NKAIN4: variants seen among roughly 807,000 people sequenced by gnomAD.
NKAIN4 encodes the protein sodium/potassium transporting ATPase interacting 4.
A neutral mutation model predicts 28.8 loss-of-function variants in NKAIN4; 28 were observed. That is an observed-to-expected ratio of 0.97 (90% CI 0.72 to 1.33). The LOEUF (loss-of-function observed/expected upper bound fraction) is 1.33, where lower values mean the gene tolerates loss of function less well. Among genes scored for constraint, NKAIN4 ranks in the 40% most tolerant of loss-of-function variants. The pLI, the probability that NKAIN4 is intolerant of heterozygous loss-of-function variation, is 0.00. For missense variants in NKAIN4, 289 were observed against 277.2 expected, an observed-to-expected ratio of 1.04 and a Z score of -0.30; for synonymous variants, 122 against 115.6, an observed-to-expected ratio of 1.06 and a Z score of -0.36.
chr20:63,250,259 T>C (rs575528174), intron 1 of NKAIN4, among the ~76,000 whole-genome samples, 187 bp from the exon 2 acceptor site: 5 of 152,276 alleles, frequency 3.3e-5, no homozygotes, highest in East Asian at 3.9e-4. Flanking sequence ...GAGCAGGCAC[T>C]GAGCATCTAC....
chr20:63,250,805 A>G (rs2066944061), intron 1 of NKAIN4, among the ~76,000 whole-genome samples: 3 of 152,126 alleles, frequency 2.0e-5, no homozygotes, highest in Admixed American at 1.3e-4. Context: ...GGACTGGCGC[A>G]CTCGGCACCA....
rs772619197 is a variant in NKAIN4, at chr20:63,248,860, G to T, written c.228C>A (p.Asn76Lys). 1.2e-6 allele frequency: 2 copies of T among 1,612,902 alleles called. No individual in the cohort carries two copies. The highest frequency in any genetic ancestry group is 2.2e-5 in the East Asian group (1 of 44,880). ...CCAGGTAGAAGCAGATGATGAAGAC[G>T]TTCCAGGTGACCCAGACGGCTGCCC... ...TLWAAVWVTW[N>K]VFIICFYLEV... Residue 76 changes from asparagine to lysine, a missense_variant, in exon 3 of 7, where the codon AAC (asparagine) becomes AAA (lysine). By Grantham distance (94) the Asn-to-Lys change is moderately conservative. Coordinates refer to ENST00000370316, the MANE Select transcript of NKAIN4 (RefSeq NM_152864.4).
At position 63,247,824 on chromosome 20, in the gene NKAIN4, G is replaced by A. The variant is rs901910430; in HGVS notation, c.274-49C>T. 9 of 1,415,442 alleles carry A rather than the reference G, an allele frequency of 6.4e-6. No individual in the cohort carries two copies. In the African/African-American group the frequency reaches 7.2e-5, roughly 11 times the overall value. The allele number at this position is 1,415,442 out of a possible 1,614,324, so 87.7% of individuals were successfully genotyped here. ...GGCCGGTTAGCACCAGGAGGTGGGC[G>A]GCCTCACCCACTGCAGCCTGCGGGG... On this transcript the variant is annotated intron_variant, in intron 3 of 6. Transcript: ENST00000370316.
chr20:63,250,021 G>C lies in NKAIN4; in HGVS notation c.106C>G (p.Pro36Ala), dbSNP rs1401557002. The change falls in exon 2 of 7, where the codon CCC becomes GCC. Residue 36 changes from proline to alanine, a missense_variant. Transcript: ENST00000370316. The part of the protein sequence containing the change: ...VFDFLGYQWA[P>A]ILANFVHIII... Reference sequence around the variant, plus strand: ...ATGTGGACAAAGTTGGCCAGGATGGGCGCCCACTGGTAGCCCAGGAAGTCA... The same window carrying C: ...ATGTGGACAAAGTTGGCCAGGATGGCCGCCCACTGGTAGCCCAGGAAGTCA... The C allele has an allele frequency of 1.2e-6, 2 of 1,607,326 alleles. No individual in the cohort carries two copies. Among genetic ancestry groups the C allele is most frequent in the African/African-American group, 2.7e-5 (2 of 74,820 alleles).
rs369124494 is a variant in NKAIN4 at position 63,243,326 on chromosome 20, C to T, written c.532+698G>A. Reference sequence around the variant, plus strand: ...GGTCTGAGGGTAGGGTGCCCTTTGACACGTGGACTGCTGACCCCATGGCCC... The same window carrying T: ...GGTCTGAGGGTAGGGTGCCCTTTGATACGTGGACTGCTGACCCCATGGCCC... On this transcript the variant is annotated intron_variant, in intron 5 of 6. Coordinates refer to ENST00000370316, the MANE Select transcript of NKAIN4 (RefSeq NM_152864.4). Among the ~76,000 whole-genome samples the T allele has an allele frequency of 9.5e-4, 144 of 152,206 alleles. 2 individuals carry two copies. The South Asian group carries it at 0.027, about 29-fold the overall frequency.
intron 6 of NKAIN4, among the ~76,000 whole-genome samples, chr20:63,242,301 T>C (rs2066769306): frequency 6.6e-6 from 1 of 152,140 alleles, no homozygotes; most frequent in Non-Finnish European, 1.5e-5. Context: ...ACAGTCTCCA[T>C]CTCTGCTGGG....
chr20:63,246,529 G>A lies in NKAIN4; in HGVS notation c.471+1049C>T, dbSNP rs111996623. ...GGGAGCTCACGAGGCCACCCGCACC[G>A]TCACGTGTGCTCAGGCCACGGGCTC... On this transcript the variant is annotated intron_variant, in intron 4 of 6. Transcript: ENST00000370316. 319 of 985,432 alleles carry A rather than the reference G, an allele frequency of 3.2e-4. 5 individuals carry two copies. In the African/African-American group the frequency reaches 4.0e-3, roughly 12 times the overall value. 61.0% of individuals were successfully genotyped at this position (985,432 alleles called of 1,614,324 possible). A position where few individuals can be genotyped will look rare whatever the true frequency, so the allele number is the denominator to read the frequency against.
chr20:63,247,491 C>A (rs2066880294), intron 4 of NKAIN4, 87 bp downstream of exon 4: 3 of 1,547,902 alleles, frequency 1.9e-6, no homozygotes, highest in Admixed American at 2.0e-5. Flanking sequence ...GGTCAGCTGG[C>A]CCCGCCTCAG....
upstream of NKAIN4, chr20:63,254,501 CCCCGCTCCG>C (rs921779295): frequency 1.6e-5 from 20 of 1,222,418 alleles, no homozygotes; most frequent in African/African-American, 2.5e-4. Context: ...CGGCCCCCGC[CCCCGCTCCG>C]CCCGCTCCCC....
At chr20:63,242,383 A>G (rs1173835596) in intron 6 of NKAIN4, among the ~76,000 whole-genome samples, 156 bp downstream of exon 6, 1 of 149,364 alleles carries the variant, frequency 6.7e-6, no homozygotes, top group Non-Finnish European at 1.5e-5. Context: ...CCTGGCATGA[A>G]GCAGATGTTA....
At chr20:63,254,018 C>CA (rs1296162959) in intron 1 of NKAIN4, 5 of 229,462 alleles carry the variant, frequency 2.2e-5, no homozygotes, top group Admixed American at 6.2e-5. Context: ...CTCGCACAGA[C>CA]AGAGACAGGC....
At chr20:63,253,732 G>C (rs138715635) in intron 1 of NKAIN4, among the ~76,000 whole-genome samples, 1 of 152,182 alleles carries the variant, frequency 6.6e-6, no homozygotes, top group African/African-American at 2.4e-5. Context: ...AAACTTGGCC[G>C]AGGGAGCCCC....
chr20:63,250,777 C>T (rs940700312), intron 1 of NKAIN4, among the ~76,000 whole-genome samples: 3 of 152,202 alleles, frequency 2.0e-5, no homozygotes, highest in South Asian at 2.1e-4. Flanking sequence ...AAAGCCATGA[C>T]CAGGACGCTA....
intron 4 of NKAIN4, chr20:63,247,289 T>A (rs2066876628): frequency 7.4e-7 from 1 of 1,355,196 alleles, no homozygotes; most frequent in Non-Finnish European, 9.6e-7. Flanking sequence ...TGTCTCGGCC[T>A]GATCCGATTC....
rs570153013 is a variant in NKAIN4 at position 63,245,801 on chromosome 20, T to C, written c.472-1717A>G. ...ATCCTATCAAAGAAATTCCCATCCC[T>C]GGGAGTCAGGATAAAAGCCAACAGG... On this transcript the variant is annotated intron_variant, in intron 4 of 6. Transcript: ENST00000370316. This position sits in a 1 kb window ranked among gnomAD's most constrained non-coding sequence, Gnocchi z 4.7. Among the ~76,000 whole-genome samples, 23 of 152,108 alleles carry C rather than the reference T, an allele frequency of 1.5e-4. No homozygotes were observed. Among genetic ancestry groups the C allele is most frequent in the Non-Finnish European group, 2.5e-4 (17 of 68,020 alleles).
intron 6 of NKAIN4, 123 bp from the exon 7 acceptor site, chr20:63,241,629 C>T: frequency 1.2e-6 from 1 of 855,848 alleles, no homozygotes; most frequent in Admixed American, 2.0e-5. Flanking sequence ...CGGCTTCAGG[C>T]CTTTGGCAGA....
At chr20:63,243,939 C>A in intron 5 of NKAIN4, 85 bp downstream of exon 5, 2 of 1,186,116 alleles carry the variant, frequency 1.7e-6, no homozygotes, top group Non-Finnish European at 1.2e-6. Flanking sequence ...GGAGGTCTCT[C>A]GCCTTGCCCC....
intron 4 of NKAIN4, chr20:63,246,978 C>A: frequency 2.0e-6 from 2 of 994,658 alleles, no homozygotes; most frequent in Non-Finnish European, 2.4e-6. Flanking sequence ...CGTGCAGGGC[C>A]GGAGAGGACG....
Position 63,252,248 on chromosome 20 carries a change from G to C in NKAIN4, c.54+2149C>G, listed in dbSNP as rs2066973705. Among the ~76,000 whole-genome samples the C allele has an allele frequency of 1.3e-5, 2 of 152,128 alleles. No individual in the cohort carries two copies. Among genetic ancestry groups the C allele is most frequent in the Non-Finnish European group, 2.9e-5 (2 of 68,006 alleles). The stretch of plus-strand genomic sequence containing the variant: ...TGCCACCATGGAAGCAGGTGACCCT[G>C]GTGGCCCTGCCAGGACCCAGCCCCA... On this transcript the variant is annotated intron_variant, in intron 1 of 6. Coordinates refer to ENST00000370316, the MANE Select transcript of NKAIN4 (RefSeq NM_152864.4). This position sits in a 1 kb window ranked among gnomAD's most constrained non-coding sequence, Gnocchi z 4.6.
Sources: gnomAD v4.1 joint callset for allele counts (sites outside exome capture counted in the v4.1 genomes callset) on GRCh38, gnomAD v4.1.1 for gene constraint, Gnocchi (gnomAD v3.1) non-coding constraint, MANE v1.5 for transcripts, NCBI Gene and HGNC (gene_info 2026-07-23, HGNC 2026-07-21) for gene names.